Variants in SCFD2 observed in about 807,000 individuals in gnomAD.
The protein encoded by SCFD2 is sec1 family domain-containing protein 2.
Under a neutral mutation model 58.9 loss-of-function variants are expected in SCFD2, and 54 were observed. That is an observed-to-expected ratio of 0.92 (90% CI 0.74 to 1.15). The LOEUF is 1.15. Among genes scored for constraint, SCFD2 ranks in the 50% most tolerant of loss-of-function variants. SCFD2 has a pLI of 0.00. For missense variants in SCFD2, 805 were observed against 836.6 expected (o/e 0.96, Z 0.47); for synonymous variants, 321 against 335.9 (o/e 0.96, Z 0.49).
At chr4:52,999,475 G>A (rs1176307475) in intron 5 of SCFD2, among the ~76,000 whole-genome samples, 1 of 152,230 alleles carries the variant, frequency 6.6e-6, no homozygotes, top group Non-Finnish European at 1.5e-5. Context: ...ATCAACATGA[G>A]AGGGGCATTT....
chr4:53,339,399 G>A (rs1733790513), intron 2 of SCFD2, among the ~76,000 whole-genome samples: 1 of 150,818 alleles, frequency 6.6e-6, no homozygotes, highest in Admixed American at 6.6e-5. Context: ...CATAATATAT[G>A]TATACAACAT....
intron 1 of SCFD2, among the ~76,000 whole-genome samples, chr4:53,358,865 G>C (rs1734472077): frequency 6.6e-6 from 1 of 152,164 alleles, no homozygotes; most frequent in Non-Finnish European, 1.5e-5. Flanking sequence ...TCCAAACTCT[G>C]GGTAGTCTGG....
chr4:53,000,875 C>T (rs1320955066), intron 5 of SCFD2, among the ~76,000 whole-genome samples: 5 of 152,318 alleles, frequency 3.3e-5, no homozygotes, highest in Non-Finnish European at 5.9e-5. Flanking sequence ...TCCTGGTATA[C>T]GGCCTGGTTC....
intron 4 of SCFD2, among the ~76,000 whole-genome samples, chr4:53,216,141 C>T (rs1247072452): frequency 2.0e-5 from 3 of 152,158 alleles, no homozygotes; most frequent in Non-Finnish European, 4.4e-5. Flanking sequence ...CCTTTGGTGT[C>T]AGGATGATGC....
chr4:53,115,878 CTTATCATATAGAAG>C (rs1420475745), intron 5 of SCFD2, among the ~76,000 whole-genome samples: 1 of 152,190 alleles, frequency 6.6e-6, no homozygotes, highest in Admixed American at 6.6e-5. Flanking sequence ...TGTTTCCTTT[CTTATCATATAGAAG>C]ACCTATGCTG....
At chr4:53,148,822 C>T (rs961643918) in intron 4 of SCFD2, among the ~76,000 whole-genome samples, 18 of 152,226 alleles carry the variant, frequency 1.2e-4, no homozygotes, top group Admixed American at 1.0e-3. Flanking sequence ...AGAGCCTGGG[C>T]AACATAGCGA....
At chr4:53,132,677 T>C (rs1240609505) in intron 5 of SCFD2, among the ~76,000 whole-genome samples, 1 of 152,198 alleles carries the variant, frequency 6.6e-6, no homozygotes, top group African/African-American at 2.4e-5. Flanking sequence ...AGTCATTGTT[T>C]TGTACACTTT....
chr4:53,351,342 C>G (rs1313857338), intron 2 of SCFD2, among the ~76,000 whole-genome samples: 2 of 152,180 alleles, frequency 1.3e-5, no homozygotes, highest in Non-Finnish European at 2.9e-5. Context: ...ATAATTAAAG[C>G]AGTGCCACTT....
chr4:53,092,094 C>T (rs1258597534), intron 5 of SCFD2, among the ~76,000 whole-genome samples: 1 of 152,084 alleles, frequency 6.6e-6, no homozygotes, highest in African/African-American at 2.4e-5. Context: ...TGTCATATGA[C>T]ATATTGTGCA....
intron 5 of SCFD2, among the ~76,000 whole-genome samples, chr4:53,127,767 T>C (rs1725670516): frequency 1.3e-5 from 2 of 151,904 alleles, no homozygotes; most frequent in South Asian, 4.2e-4. Flanking sequence ...AAGAAAAAAA[T>C]GGCCTCCAGA....
chr4:53,196,289 A>G (rs1354636456), intron 4 of SCFD2, among the ~76,000 whole-genome samples: 3 of 152,256 alleles, frequency 2.0e-5, no homozygotes, highest in South Asian at 2.1e-4. Context: ...AGTGAAAAAC[A>G]TGATTGTCGA....
At chr4:52,907,364 G>T in intron 7 of SCFD2, 93 bp downstream of exon 7, 1 of 1,213,104 alleles carries the variant, frequency 8.2e-7, no homozygotes, top group Non-Finnish European at 1.2e-6. Context: ...TTATCTGTAT[G>T]GTGCTGGCTA....
At chr4:53,016,991 G>T (rs191060541) in intron 5 of SCFD2, among the ~76,000 whole-genome samples, 50 of 151,998 alleles carry the variant, frequency 3.3e-4, no homozygotes, top group African/African-American at 1.2e-3. Context: ...ACCTATAATC[G>T]CAGCTACTTG....
chr4:53,050,535 G>A (rs1298310932), intron 5 of SCFD2, among the ~76,000 whole-genome samples: 1 of 152,144 alleles, frequency 6.6e-6, no homozygotes, highest in Non-Finnish European at 1.5e-5. Flanking sequence ...TGAAGCTGGA[G>A]AGTTTTGCAC....
intron 4 of SCFD2, among the ~76,000 whole-genome samples, chr4:53,150,220 T>C (rs73250938): frequency 6.3e-4 from 95 of 151,908 alleles, no homozygotes; most frequent in Non-Finnish European, 1.0e-3. Flanking sequence ...AAGAAGAAAG[T>C]AAGGGGAAGG....
At chr4:53,046,499 G>A (rs1723042884) in intron 5 of SCFD2, among the ~76,000 whole-genome samples, 1 of 152,004 alleles carries the variant, frequency 6.6e-6, no homozygotes, top group Non-Finnish European at 1.5e-5. Context: ...ACAGGTGTGA[G>A]CCACTGCGCC....
chr4:53,338,872 G>A (rs1001324727), intron 2 of SCFD2, among the ~76,000 whole-genome samples: 8 of 151,908 alleles, frequency 5.3e-5, no homozygotes, highest in East Asian at 3.9e-4. Context: ...GAGCCACCGC[G>A]CCTGGCCGAA....
chr4:52,904,259 A>G (rs1032225266), intron 7 of SCFD2, among the ~76,000 whole-genome samples: 2 of 152,188 alleles, frequency 1.3e-5, no homozygotes, highest in African/African-American at 4.8e-5. Context: ...TCCCATTTGT[A>G]CGGCAGCACC....
rs144480900 is a variant in SCFD2, at chr4:53,164,136, GT to G, written c.1312-18555del. 6.3e-3 allele frequency among the ~76,000 whole-genome samples: 957 copies of G among 152,214 alleles called. 5 individuals are homozygous for G. The highest frequency in any genetic ancestry group is 0.014 in the Middle Eastern group (4 of 294). ...ACACTCTATAAGGTACTGTATATTT[GT>G]TTTACTACTACATTTATTACTATTT... On this transcript the variant is annotated intron_variant, in intron 4 of 8. Coordinates refer to ENST00000401642, the MANE Select transcript of SCFD2 (RefSeq NM_152540.4).
Sources: gnomAD v4.1 joint callset for allele counts (sites outside exome capture counted in the v4.1 genomes callset) on GRCh38, gnomAD v4.1.1 for gene constraint, MANE v1.5 for transcripts, NCBI Gene and HGNC (gene_info 2026-07-23, HGNC 2026-07-21) for gene names.